RANBP2: variants seen among roughly 807,000 people sequenced by gnomAD.
RANBP2 encodes RAN binding protein 2.
In RANBP2, 57 loss-of-function variants were observed where a neutral mutation model predicts 303.6. The observed-to-expected ratio is 0.19, with a 90% CI of 0.15 to 0.23. The LOEUF is 0.23. RANBP2 is among the 10% of genes least tolerant of loss of function. The probability of loss-of-function intolerance (pLI) is 1.00; values close to 1 mark genes in which losing one functional copy is unlikely to be tolerated. For missense variants in RANBP2, 3,138 were observed against 3,780.8 expected (o/e 0.83, Z 4.46); for synonymous variants, 1,167 against 1,301.5 (o/e 0.90, Z 2.23).
chr2:108,907,580 G>A, the RANBP2 span, among the ~76,000 whole-genome samples: 5 of 152,024 alleles, frequency 3.3e-5, no homozygotes, highest in East Asian at 7.8e-4. Flanking sequence ...CCCAGGAGGC[G>A]GAGGTTGTAG....
the RANBP2 span, among the ~76,000 whole-genome samples, chr2:109,319,286 C>T: frequency 2.0e-5 from 3 of 152,288 alleles, no homozygotes; most frequent in East Asian, 3.9e-4. Context: ...TTCCTGGCAT[C>T]GTGATATGAA....
the RANBP2 span, among the ~76,000 whole-genome samples, chr2:109,178,367 A>G: frequency 6.6e-6 from 1 of 152,122 alleles, no homozygotes; most frequent in Non-Finnish European, 1.5e-5. Context: ...TAGAAATGAT[A>G]TATACTCAGT....
the RANBP2 span, among the ~76,000 whole-genome samples, chr2:109,050,395 A>T: frequency 6.6e-6 from 1 of 151,854 alleles, no homozygotes; most frequent in Non-Finnish European, 1.5e-5. Context: ...CTGGGATCAC[A>T]GGCGCAAGCC....
At chr2:109,656,207 A>G in the RANBP2 span, among the ~76,000 whole-genome samples, 1 of 152,164 alleles carries the variant, frequency 6.6e-6, no homozygotes, top group Admixed American at 6.5e-5. Flanking sequence ...CCAATCAGGC[A>G]TGGCAGAGAG....
chr2:109,182,411 A>C, the RANBP2 span, among the ~76,000 whole-genome samples: 1 of 152,202 alleles, frequency 6.6e-6, no homozygotes, highest in African/African-American at 2.4e-5. Context: ...TAAAGGTCCA[A>C]ACCCTCTGCA....
the RANBP2 span, among the ~76,000 whole-genome samples, chr2:108,948,855 T>C: frequency 4.6e-5 from 7 of 152,114 alleles, no homozygotes; most frequent in African/African-American, 1.7e-4. Flanking sequence ...TGGTGGCTCA[T>C]GCGTATAATC....
the RANBP2 span, among the ~76,000 whole-genome samples, chr2:109,432,100 G>A: frequency 1.3e-5 from 2 of 152,168 alleles, no homozygotes; most frequent in African/African-American, 4.8e-5. Context: ...GGTTTCCCTT[G>A]CTCAGAGCAT....
the RANBP2 span, among the ~76,000 whole-genome samples, chr2:109,524,100 C>T: frequency 3.9e-5 from 6 of 152,196 alleles, no homozygotes; most frequent in Admixed American, 2.0e-4. Context: ...ACTGGGACTC[C>T]GTGGGCCTCC....
At chr2:108,972,965 G>GTTTATTTTTTTTTTTA in the RANBP2 span, among the ~76,000 whole-genome samples, 1 of 152,044 alleles carries the variant, frequency 6.6e-6, no homozygotes, top group Admixed American at 6.5e-5. Context: ...CTCAGCAGGT[G>GTTTATTTTTTTTTTTA]TTTATTTTTT....
the RANBP2 span, among the ~76,000 whole-genome samples, chr2:109,244,014 C>T: frequency 6.6e-6 from 1 of 152,194 alleles, no homozygotes; most frequent in East Asian, 1.9e-4. Context: ...TTTTTGCCAT[C>T]AGCAGTGATC....
the RANBP2 span, among the ~76,000 whole-genome samples, chr2:109,603,594 T>C: frequency 2.0e-4 from 30 of 152,226 alleles, no homozygotes; most frequent in East Asian, 7.8e-4. Context: ...AGACCCCAGG[T>C]ATTGTGGATC....
Position 108,783,832 on chromosome 2 carries a change from T to C in RANBP2, c.9606T>C (p.Ile3202=), listed in dbSNP as rs752102116. Residue 3202 remains isoleucine (I), a synonymous_variant, in exon 29 of 29, where the codon ATT becomes ATC. Coordinates refer to ENST00000283195, the MANE Select transcript of RANBP2 (RefSeq NM_006267.5). Reference sequence around the variant, plus strand: ...ATGGCATGGATACTGTGAAAAAGATTGAATCATTTGGTTCTCCCAAAGGGT... The same window carrying C: ...ATGGCATGGATACTGTGAAAAAGATCGAATCATTTGGTTCTCCCAAAGGGT... The part of the protein sequence containing the change: ...VKDGMDTVKK[I]ESFGSPKGSV... 18 of 1,613,034 alleles carry C rather than the reference T, an allele frequency of 1.1e-5. No homozygotes were observed. Among genetic ancestry groups the C allele is most frequent in the Non-Finnish European group, 1.4e-5 (17 of 1,179,184 alleles).
chr2:109,129,472 C>T, the RANBP2 span: 10 of 1,495,184 alleles, frequency 6.7e-6, no homozygotes, highest in Admixed American at 6.3e-5. Context: ...ATGCTGGCTG[C>T]CGGTGGCGGG....
the RANBP2 span, among the ~76,000 whole-genome samples, chr2:108,907,646 CTCCA>C: frequency 3.1e-5 from 1 of 32,062 alleles, no homozygotes; most frequent in Non-Finnish European, 6.2e-5. Flanking sequence ...AGACTCTCAT[CTCCA>C]AAAAAAAAAA....
At chr2:109,666,650 C>T in the RANBP2 span, among the ~76,000 whole-genome samples, 1 of 152,148 alleles carries the variant, frequency 6.6e-6, no homozygotes, top group Non-Finnish European at 1.5e-5. Flanking sequence ...AAAGTTAAAG[C>T]TCTTAATTAG....
chr2:109,435,399 T>C, the RANBP2 span, among the ~76,000 whole-genome samples: 1 of 152,238 alleles, frequency 6.6e-6, no homozygotes, highest in Non-Finnish European at 1.5e-5. Context: ...CTGGCAGTGA[T>C]TGGAGGGTAG....
chr2:109,568,062 C>T, the RANBP2 span: 1 of 1,065,762 alleles, frequency 9.4e-7, no homozygotes, highest in East Asian at 2.6e-5. Context: ...ACTGTTCATT[C>T]TGACAATGAA....
chr2:108,944,212 C>T, the RANBP2 span, among the ~76,000 whole-genome samples: 2 of 152,190 alleles, frequency 1.3e-5, no homozygotes, highest in Non-Finnish European at 2.9e-5. Context: ...CTCCTGGGCT[C>T]AGGCAATTCT....
the RANBP2 span, among the ~76,000 whole-genome samples, chr2:109,253,778 C>T: frequency 6.6e-6 from 1 of 152,078 alleles, no homozygotes; most frequent in Non-Finnish European, 1.5e-5. Context: ...GATTTAGATG[C>T]AAAGATTGCT....
Sources: allele counts gnomAD v4.1 joint callset (sites outside exome capture counted in the v4.1 genomes callset), GRCh38; gene constraint gnomAD v4.1.1; transcripts MANE v1.5; gene names NCBI Gene and HGNC (gene_info 2026-07-23, HGNC 2026-07-21).